Variants in MSH5 observed in about 807,000 individuals in gnomAD.
The protein encoded by MSH5 is mutS protein homolog 5.
In MSH5, 78 loss-of-function variants were observed where a neutral mutation model predicts 107.7. That is an observed-to-expected ratio of 0.72 (90% confidence interval 0.60 to 0.87). The LOEUF (loss-of-function observed/expected upper bound fraction) is 0.87. MSH5 is among the 40% of genes least tolerant of loss of function. The pLI is 0.00. For missense variants in MSH5, 889 were observed against 1,046.6 expected (o/e 0.85, Z 2.08); for synonymous variants, 326 against 399.5 (o/e 0.82, Z 2.19).
chr6:31,743,895 C>T lies in MSH5; in HGVS notation c.416-9C>T. The T allele has an allele frequency of 6.2e-7, 1 of 1,612,574 alleles. No homozygotes were observed. The highest frequency in any genetic ancestry group is 8.5e-7 in the Non-Finnish European group (1 of 1,179,760). ...AAGACCGTTCCCTTTGCTTGCCTCC[C>T]TCAAATAGGTCTGGAGATAAGCAAA... On this transcript the variant is annotated splice_polypyrimidine_tract_variant and intron_variant, in intron 5 of 24. Coordinates refer to ENST00000375750, the MANE Select transcript of MSH5 (RefSeq NM_172166.4).
At chr6:31,744,349 C>CT in intron 7 of MSH5, 50 bp downstream of exon 7, 1 of 1,610,950 alleles carries the variant, frequency 6.2e-7, no homozygotes, top group Non-Finnish European at 8.5e-7. Flanking sequence ...ATTGGGAGGC[C>CT]TGAAAAGTAA....
In MSH5 at chr6:31,760,528, T is replaced by C. The variant is rs546309477; in HGVS notation, c.1813-162T>C. Among the ~76,000 whole-genome samples, 5 of 152,386 alleles carry C rather than the reference T, an allele frequency of 3.3e-5. No individual in the cohort carries two copies. The South Asian group carries it at 1.0e-3, about 32-fold the overall frequency. ...GATTCTAAATTAGCCCACAGGGCTA[T>C]GGTCAGGATTCGGGGAGGAGAGACA... On this transcript the variant is annotated intron_variant, in intron 19 of 24. Transcript: ENST00000375750. This position sits in a 1 kb window ranked among gnomAD's most constrained non-coding sequence, Gnocchi z 5.6.
Position 31,741,241 on chromosome 6 carries a change from A to G in MSH5, c.226A>G (p.Met76Val). The G allele has an allele frequency of 1.2e-6, 2 of 1,612,640 alleles. No individual in the cohort carries two copies. The highest frequency in any genetic ancestry group is 1.7e-6 in the Non-Finnish European group (2 of 1,179,946). Reference sequence around the variant, plus strand: ...TACTAGTGACTCCACTATCCACTTCATGCCAGATGCCCCAGACCACGAGAG... The same window carrying G: ...TACTAGTGACTCCACTATCCACTTCGTGCCAGATGCCCCAGACCACGAGAG... ...YDTSDSTIHF[M>V]PDAPDHESLK... Residue 76 changes from methionine (M) to valine (V), a missense_variant, in exon 3 of 25, where the codon ATG becomes GTG. Physicochemically the swap from Met to Val is conservative, Grantham distance 21. This residue lies in a region of MSH5 where 518 missense variants were observed against 565.0 expected (regional missense o/e 0.92). Transcript: ENST00000375750.
chr6:31,743,970 C>T lies in MSH5; in HGVS notation c.482C>T (p.Ala161Val), dbSNP rs1809157815. ...TCCTTCATCCCAGACGCCATGACTG[C>T]CACTGAGAAAATCCTCTTCCTCTCT... ...NYSFIPDAMTATEKILFLSSI... is the reference protein window; with the variant it reads ...NYSFIPDAMTVTEKILFLSSI... Residue 161 changes from alanine to valine, a missense_variant, in exon 6 of 25, where the codon GCC (alanine) becomes GTC (valine). Physicochemically the swap from Ala to Val is moderately conservative, Grantham distance 64. Coordinates refer to ENST00000375750, the MANE Select transcript of MSH5 (RefSeq NM_172166.4). 2.5e-6 allele frequency: 4 copies of T among 1,613,904 alleles called. No homozygotes were observed. Among genetic ancestry groups the T allele is most frequent in the African/African-American group, 1.3e-5 (1 of 75,050 alleles).
intron 10 of MSH5, among the ~76,000 whole-genome samples, chr6:31,752,719 A>G (rs1258968552): frequency 2.1e-4 from 3 of 13,984 alleles, no homozygotes; most frequent in Non-Finnish European, 3.3e-4. Context: ...ACTCTGTCTC[A>G]AAAAAAAAAA....
rs763714066 is a variant in MSH5, at chr6:31,760,230, C to G, written c.1812+14C>G. The G allele has an allele frequency of 6.4e-7, 1 of 1,569,554 alleles. No homozygotes were observed. The highest frequency in any genetic ancestry group is 8.6e-7 in the Non-Finnish European group (1 of 1,161,206). ...TACCTCAAACAGGTGAGGAGAAGCC[C>G]TGCAGCCTGGGCCTCTGGCGTCTCC... On this transcript the variant is annotated intron_variant, in intron 19 of 24. Coordinates refer to ENST00000375750, the MANE Select transcript of MSH5 (RefSeq NM_172166.4). The surrounding 1 kb of genome is among the most constrained non-coding windows in gnomAD (Gnocchi z 5.6).
chr6:31,752,023 T>C (rs1004395415), intron 10 of MSH5, among the ~76,000 whole-genome samples: 1 of 151,946 alleles, frequency 6.6e-6, no homozygotes, highest in African/African-American at 2.4e-5. Context: ...CACTTAAGCC[T>C]GTGAGGCAGA....
At chr6:31,744,053 T>C (rs778705541) in intron 6 of MSH5, 28 bp downstream of exon 6, 2 of 1,613,396 alleles carry the variant, frequency 1.2e-6, no homozygotes, top group Non-Finnish European at 1.7e-6. Context: ...GGATAAGGGC[T>C]GGGAGGCGGC....
chr6:31,759,492 A>G lies in MSH5; in HGVS notation c.1475A>G (p.Asp492Gly), dbSNP rs1810767518. 1 of 1,612,278 alleles carries G rather than the reference A, an allele frequency of 6.2e-7. No homozygotes were observed. The highest frequency in any genetic ancestry group is 8.5e-7 in the Non-Finnish European group (1 of 1,179,940). ...AAGGAGCTGGATGCATTGCTGGGGG[A>G]CCTGCACTGCGAGATCCGGGGTGAG... Reference protein sequence around the residue: ...RTKELDALLGDLHCEIRDQET... With the variant: ...RTKELDALLGGLHCEIRDQET... Residue 492 changes from aspartate (D) to glycine (G), a missense_variant, in exon 17 of 25, where the codon GAC becomes GGC. This residue lies in a region of MSH5 where 362 missense variants were observed against 456.2 expected (regional missense o/e 0.79). Coordinates refer to ENST00000375750, the MANE Select transcript of MSH5 (RefSeq NM_172166.4). The surrounding 1 kb of genome is among the most constrained non-coding windows in gnomAD (Gnocchi z 4.7).
chr6:31,762,158 A>G lies in MSH5; in HGVS notation c.2366A>G (p.Asp789Gly). 6.2e-7 allele frequency: 1 copy of G among 1,614,152 alleles called. No individual in the cohort carries two copies. The highest frequency in any genetic ancestry group is 8.5e-7 in the Non-Finnish European group (1 of 1,180,040). Residue 789 changes from aspartate (D) to glycine (G), a missense_variant, in exon 24 of 25, where the codon GAT becomes GGT. Asp to Gly is a moderately conservative substitution (Grantham distance 94). This residue lies in a region of MSH5 where 362 missense variants were observed against 456.2 expected (regional missense o/e 0.79). Coordinates refer to ENST00000375750, the MANE Select transcript of MSH5 (RefSeq NM_172166.4). Reference protein sequence around the residue: ...RSGKPIKPVKDLLKKNQMENC... With the variant: ...RSGKPIKPVKGLLKKNQMENC... ...GGAAAACCCATCAAGCCTGTCAAGG[A>G]TTTGCTAAAGAAGAACCAAATGGAA...
At chr6:31,742,459 C>T (rs1240394816) in intron 3 of MSH5, among the ~76,000 whole-genome samples, 2 of 152,194 alleles carry the variant, frequency 1.3e-5, no homozygotes, top group Non-Finnish European at 2.9e-5. Context: ...GGTTTCACCA[C>T]GTTGGCTAGG....
rs761460883 is a variant in MSH5 at position 31,758,483 on chromosome 6, C to T, written c.1144-65C>T. The T allele has an allele frequency of 1.3e-6, 2 of 1,593,166 alleles. No homozygotes were observed. Among genetic ancestry groups the T allele is most frequent in the South Asian group, 1.1e-5 (1 of 90,398 alleles). Reference sequence around the variant, plus strand: ...GGAGGACTGCAGGGAGAATTGGGGCCCAAGGAGAGCTGAGGAACAGGACAG... The same window carrying T: ...GGAGGACTGCAGGGAGAATTGGGGCTCAAGGAGAGCTGAGGAACAGGACAG... On this transcript the variant is annotated intron_variant, in intron 13 of 24. Transcript: ENST00000375750. The surrounding 1 kb of genome is among the most constrained non-coding windows in gnomAD (Gnocchi z 5.1).
intron 5 of MSH5, 52 bp from the exon 6 acceptor site, chr6:31,743,852 G>A: frequency 1.3e-6 from 2 of 1,594,304 alleles, no homozygotes; most frequent in South Asian, 1.1e-5. Flanking sequence ...TTAAAATGGG[G>A]TGAAAAAATT....
At position 31,740,987 on chromosome 6, in the gene MSH5, G is replaced by A. The variant is rs1338969317; in HGVS notation, c.148-176G>A. ...AAGAAAGAAAGAAAAAAAAAACAGG[G>A]TTGGGAAGAGCTGGGCAAGTCTCTT... On this transcript the variant is annotated intron_variant, in intron 2 of 24. Transcript: ENST00000375750. The surrounding 1 kb of genome is among the most constrained non-coding windows in gnomAD (Gnocchi z 4.4). 6.6e-6 allele frequency among the ~76,000 whole-genome samples: 1 copy of A among 151,940 alleles called. No individual in the cohort carries two copies. The highest frequency in any genetic ancestry group is 1.5e-5 in the Non-Finnish European group (1 of 67,958).
chr6:31,745,182 C>A, intron 8 of MSH5, 55 bp from the exon 9 acceptor site: 1 of 995,436 alleles, frequency 1.0e-6, no homozygotes, highest in Non-Finnish European at 1.6e-6. Context: ...GTCCTCAATT[C>A]TTATTCCCTT....
Position 31,740,263 on chromosome 6 carries a change from T to C in MSH5, c.-13-191T>C. 1.8e-6 allele frequency: 1 copy of C among 540,764 alleles called. No homozygotes were observed. The highest frequency in any genetic ancestry group is 3.2e-6 in the Non-Finnish European group (1 of 311,728). 33.5% of individuals were successfully genotyped at this position (540,764 alleles called of 1,614,324 possible). On this transcript the variant is annotated intron_variant, in intron 1 of 24. Transcript: ENST00000375750. This position sits in a 1 kb window ranked among gnomAD's most constrained non-coding sequence, Gnocchi z 4.4. ...GGAATGAGGGTGGGGCGCGTGGAGTTTCCCACAATCTGTACTTTAGTTAAA... is the reference window on the plus strand; with the variant it reads ...GGAATGAGGGTGGGGCGCGTGGAGTCTCCCACAATCTGTACTTTAGTTAAA...
intron 5 of MSH5, 136 bp from the exon 6 acceptor site, chr6:31,743,768 C>T (rs1182403897): frequency 7.7e-7 from 1 of 1,300,988 alleles, no homozygotes; most frequent in Non-Finnish European, 1.1e-6. Context: ...TTGGTTCTTG[C>T]TCTAGCTTTC....
At chr6:31,753,497 C>A (rs1029446346) in intron 11 of MSH5, 58 bp downstream of exon 11, 42 of 1,613,394 alleles carry the variant, frequency 2.6e-5, no homozygotes, top group Non-Finnish European at 3.4e-5. Flanking sequence ...TGATACTGGG[C>A]AGTGGGCTTC....
At chr6:31,743,788 CCTGTGTGAG>C (rs1354304746) in intron 5 of MSH5, 107 bp from the exon 6 acceptor site, 1 of 1,440,480 alleles carries the variant, frequency 6.9e-7, no homozygotes. Context: ...CCATTAACTG[CCTGTGTGAG>C]CTTGGGCAAG....
Sources: allele counts gnomAD v4.1 joint callset (sites outside exome capture counted in the v4.1 genomes callset), GRCh38; gene constraint gnomAD v4.1.1; regional missense constraint gnomAD v4.1.1; non-coding constraint Gnocchi (gnomAD v3.1); transcripts MANE v1.5; gene names NCBI Gene and HGNC (gene_info 2026-07-23, HGNC 2026-07-21).